The following PAPPA variants were observed in gnomAD, a reference collection of about 807,000 sequenced individuals.
The protein encoded by PAPPA is pappalysin-1.
In PAPPA, 60 loss-of-function variants were observed where a neutral mutation model predicts 164.0. That is an observed-to-expected ratio of 0.37 (90% confidence interval 0.30 to 0.45). The LOEUF (loss-of-function observed/expected upper bound fraction) is 0.45. Ranked by LOEUF, PAPPA falls within the 20% of genes least tolerant of loss-of-function variation. The pLI, the probability that PAPPA is intolerant of heterozygous loss-of-function variation, is 1.00. For synonymous variants in PAPPA, 875 were observed against 814.1 expected, an observed-to-expected ratio of 1.07 and a Z score of -1.27; for missense variants, 1,782 against 2,087.3, an observed-to-expected ratio of 0.85 and a Z score of 2.85.
At chr9:116,174,161 A>G (rs1416540375) in intron 1 of PAPPA, among the ~76,000 whole-genome samples, 5 of 152,182 alleles carry the variant, frequency 3.3e-5, no homozygotes, top group Non-Finnish European at 7.3e-5. Flanking sequence ...AGTTTCGCAC[A>G]ATACCTGGCA....
intron 7 of PAPPA, among the ~76,000 whole-genome samples, chr9:116,244,822 C>T (rs550915174): frequency 1.1e-4 from 16 of 151,996 alleles, no homozygotes; most frequent in South Asian, 8.3e-4. Context: ...GGGTATCTAC[C>T]CAAAAGAAGA....
Position 116,345,436 on chromosome 9 carries a change from GAAA to G in PAPPA, c.3780+740_3780+742del, listed in dbSNP as rs55953344. ...ATAGTATGTGGAAGCACATTGATGA[GAAA>G]AAAAAAAAAAAAAACATGCCACAGA... is the stretch of plus-strand genomic sequence containing the variant. On this transcript the variant is annotated intron_variant, in intron 14 of 21. Transcript: ENST00000328252. Among the ~76,000 whole-genome samples the G allele has an allele frequency of 2.9e-3, 412 of 143,098 alleles. 6 individuals carry two copies. Among genetic ancestry groups the G allele is most frequent in the South Asian group, 0.022 (102 of 4,570 alleles). The allele number at this position is 143,098 out of a possible 152,430, so 93.9% of individuals were successfully genotyped here.
intron 7 of PAPPA, among the ~76,000 whole-genome samples, chr9:116,256,044 C>G (rs994005297): frequency 2.7e-5 from 4 of 150,378 alleles, no homozygotes; most frequent in African/African-American, 9.8e-5. Flanking sequence ...AGTGATGTTG[C>G]AGGGATACCT....
At chr9:116,207,665 A>G in intron 3 of PAPPA, 64 bp downstream of exon 3, 1 of 1,223,472 alleles carries the variant, frequency 8.2e-7, no homozygotes, top group Non-Finnish European at 1.1e-6. Context: ...TAGTGCGATG[A>G]TGATCATTGT....
chr9:116,196,572 C>T (rs988037604), intron 2 of PAPPA, among the ~76,000 whole-genome samples: 1 of 152,242 alleles, frequency 6.6e-6, no homozygotes, highest in African/African-American at 2.4e-5. Context: ...TTCAAACTCA[C>T]TGCTGGGCAG....
chr9:116,277,008 T>A (rs577699168), intron 9 of PAPPA, among the ~76,000 whole-genome samples: 96 of 152,034 alleles, frequency 6.3e-4, no homozygotes, highest in African/African-American at 2.2e-3. Context: ...AATCGCCACG[T>A]CTTCTTGGTG....
In PAPPA at chr9:116,302,746, A is replaced by C; in HGVS notation, c.2954-11A>C. 5 of 1,603,740 alleles carry C rather than the reference A, an allele frequency of 3.1e-6. No individual in the cohort carries two copies. The highest frequency in any genetic ancestry group is 4.3e-6 in the Non-Finnish European group (5 of 1,172,062). On this transcript the variant is annotated splice_polypyrimidine_tract_variant and intron_variant, in intron 9 of 21. Transcript: ENST00000328252. Reference sequence around the variant, plus strand: ...ATTTATTCTCTCCCTTTCTATGTCAATCTTTTGCAGATGAACCCAGCCGGT... The same window carrying C: ...ATTTATTCTCTCCCTTTCTATGTCACTCTTTTGCAGATGAACCCAGCCGGT...
Position 116,367,670 on chromosome 9 carries a change from G to T in PAPPA, c.4521G>T (p.Leu1507=). Residue 1507 remains leucine, a synonymous_variant, in exon 19 of 22, where the codon CTG becomes CTT. Transcript: ENST00000328252. ...GGTCGGAGTGTGCCACCTCGTGCCT[G>T]GACCACAACAGCGAGTCCATCATCC... ...AIGSECATSC[L]DHNSESIILP... is the part of the protein sequence containing the mutation. The T allele has an allele frequency of 6.2e-7, 1 of 1,613,980 alleles. No individual in the cohort carries two copies. Among genetic ancestry groups the T allele is most frequent in the South Asian group, 1.1e-5 (1 of 91,038 alleles).
chr9:116,202,711 A>T (rs1329016300), intron 2 of PAPPA, among the ~76,000 whole-genome samples: 1 of 152,140 alleles, frequency 6.6e-6, no homozygotes, highest in Non-Finnish European at 1.5e-5. Context: ...CAAAGGTGGA[A>T]GTGTGTAAGG....
intron 3 of PAPPA, 77 bp downstream of exon 3, chr9:116,207,678 C>A: frequency 9.2e-7 from 1 of 1,081,316 alleles, no homozygotes; most frequent in Non-Finnish European, 1.3e-6. Flanking sequence ...ATCATTGTTA[C>A]GATCATGATG....
intron 9 of PAPPA, among the ~76,000 whole-genome samples, chr9:116,291,561 G>T (rs973845826): frequency 6.6e-6 from 1 of 152,064 alleles, no homozygotes; most frequent in Non-Finnish European, 1.5e-5. Flanking sequence ...ATCATTTACT[G>T]AGTATCTGCT....
intron 1 of PAPPA, among the ~76,000 whole-genome samples, chr9:116,156,258 G>T (rs73654615): frequency 6.7e-6 from 1 of 148,468 alleles, no homozygotes; most frequent in Non-Finnish European, 1.5e-5. Context: ...AACTATGTAA[G>T]TGTGTCTACA....
chr9:116,179,302 A>G (rs1843873305), intron 1 of PAPPA, among the ~76,000 whole-genome samples: 1 of 152,162 alleles, frequency 6.6e-6, no homozygotes, highest in African/African-American at 2.4e-5. Flanking sequence ...GAACAGACAC[A>G]GGTGCCATCA....
At chr9:116,300,100 T>A (rs1341006427) in intron 9 of PAPPA, among the ~76,000 whole-genome samples, 1 of 152,118 alleles carries the variant, frequency 6.6e-6, no homozygotes, top group African/African-American at 2.4e-5. Flanking sequence ...TTATACGATA[T>A]GTAGAGTGGC....
chr9:116,323,574 A>C lies in PAPPA; in HGVS notation c.3148-7670A>C, dbSNP rs566665965. On this transcript the variant is annotated intron_variant, in intron 10 of 21. Transcript: ENST00000328252. The stretch of plus-strand genomic sequence containing the variant: ...AAGAAAGAGAGAGAGAGAGAGAAAA[A>C]AAACACATTGCTAGAAAGGCTGCAG... Among the ~76,000 whole-genome samples the C allele has an allele frequency of 2.6e-5, 4 of 152,306 alleles. No individual in the cohort carries two copies. The East Asian group carries it at 7.7e-4, about 29-fold the overall frequency.
chr9:116,381,546 A>C (rs1203263998), intron 20 of PAPPA, among the ~76,000 whole-genome samples: 1 of 152,226 alleles, frequency 6.6e-6, no homozygotes, highest in Non-Finnish European at 1.5e-5. Flanking sequence ...GGTTCAGATA[A>C]ATAATGGCTT....
chr9:116,372,166 A>G (rs773063636), intron 19 of PAPPA, among the ~76,000 whole-genome samples: 37 of 152,154 alleles, frequency 2.4e-4, no homozygotes, highest in Admixed American at 1.0e-3. Flanking sequence ...CAAACTCAAT[A>G]ATAGGTGGAA....
At chr9:116,270,870 T>A (rs12349579) in intron 8 of PAPPA, among the ~76,000 whole-genome samples, 22,124 of 151,966 alleles carry the variant, frequency 0.15, 1,956 homozygotes, top group Admixed American at 0.27. Flanking sequence ...TACCTTTAAG[T>A]ATATTGGGGG....
chr9:116,284,875 A>C (rs1845313796), intron 9 of PAPPA, among the ~76,000 whole-genome samples: 1 of 152,060 alleles, frequency 6.6e-6, no homozygotes, highest in Non-Finnish European at 1.5e-5. Flanking sequence ...ACTCTACCTG[A>C]GGCCCTCTTC....
Sources: allele counts gnomAD v4.1 joint callset (sites outside exome capture counted in the v4.1 genomes callset), GRCh38; gene constraint gnomAD v4.1.1; transcripts MANE v1.5; gene names NCBI Gene and HGNC (gene_info 2026-07-23, HGNC 2026-07-21).